MACROD2: variants seen among roughly 807,000 people sequenced by gnomAD.
The protein encoded by MACROD2 is ADP-ribose glycohydrolase MACROD2.
In MACROD2, 36 loss-of-function variants were observed where a neutral mutation model predicts 70.4. The observed-to-expected ratio is 0.51, with a 90% CI of 0.39 to 0.68. The LOEUF (loss-of-function observed/expected upper bound fraction) is 0.68, where lower values mean the gene tolerates loss of function less well. Ranked by LOEUF, MACROD2 falls within the 30% of genes least tolerant of loss-of-function variation. MACROD2 has a pLI of 0.00. For synonymous variants in MACROD2, 172 were observed against 178.8 expected, an observed-to-expected ratio of 0.96 and a Z score of 0.30; for missense variants, 496 against 538.4, an observed-to-expected ratio of 0.92 and a Z score of 0.78.
At chr20:14,758,444 T>A (rs1476530628) in intron 5 of MACROD2, among the ~76,000 whole-genome samples, 1 of 152,186 alleles carries the variant, frequency 6.6e-6, no homozygotes, top group Non-Finnish European at 1.5e-5. Context: ...CCATACTAAG[T>A]AGCTGGATTC....
intron 6 of MACROD2, among the ~76,000 whole-genome samples, chr20:15,263,417 G>C (rs918194026): frequency 1.3e-4 from 20 of 151,916 alleles, no homozygotes; most frequent in African/African-American, 4.6e-4. Flanking sequence ...GTACCACACT[G>C]TTTTGGTTAC....
intron 15 of MACROD2, among the ~76,000 whole-genome samples, chr20:16,029,694 A>G (rs1252024187): frequency 6.6e-6 from 1 of 152,190 alleles, no homozygotes; most frequent in Non-Finnish European, 1.5e-5. Flanking sequence ...TAGGAGAGAA[A>G]AGGCCAAGGA....
rs550749191 is a variant in MACROD2, at chr20:14,335,693, C to T, written c.272-157786C>T. On this transcript the variant is annotated intron_variant, in intron 3 of 17. Transcript: ENST00000684519. ...TAACTGGTAGACAGTTTTACAGAAC[C>T]GCAATATTAATGAATTCATTATGTT... Among the ~76,000 whole-genome samples the T allele has an allele frequency of 1.1e-4, 17 of 152,118 alleles. 1 individual carries two copies. The highest frequency in any genetic ancestry group is 6.5e-4 in the Admixed American group (10 of 15,278).
At chr20:14,874,263 C>T (rs1056308563) in intron 5 of MACROD2, among the ~76,000 whole-genome samples, 1 of 151,446 alleles carries the variant, frequency 6.6e-6, no homozygotes, top group East Asian at 1.9e-4. Context: ...TTGAGGGTCT[C>T]AGGAAGGCAG....
At chr20:15,207,436 G>GTTTT (rs548522491) in intron 5 of MACROD2, among the ~76,000 whole-genome samples, 2,067 of 84,420 alleles carry the variant, frequency 0.024, 259 homozygotes, top group African/African-American at 0.068. Context: ...TTTGTTTCTG[G>GTTTT]TTTTTTTTTT....
chr20:14,862,871 G>A (rs1055586467), intron 5 of MACROD2, among the ~76,000 whole-genome samples: 36 of 149,094 alleles, frequency 2.4e-4, no homozygotes, highest in Non-Finnish European at 4.3e-4. Flanking sequence ...TGTAGTGAGG[G>A]ATTTTGAACA....
In MACROD2 at chr20:14,536,321, G is replaced by A. The variant is rs546659643; in HGVS notation, c.301+42813G>A. 1.2e-3 allele frequency among the ~76,000 whole-genome samples: 186 copies of A among 152,236 alleles called. 1 individual carries two copies. Among genetic ancestry groups the A allele is most frequent in the African/African-American group, 4.1e-3 (171 of 41,544 alleles). On this transcript the variant is annotated intron_variant, in intron 4 of 17. Transcript: ENST00000684519. ...TTTGAACTTTTATGTCTCAAGTGGAGGAGTTTACTGGGTACAGAAAAATGA... is the reference window on the plus strand; with the variant it reads ...TTTGAACTTTTATGTCTCAAGTGGAAGAGTTTACTGGGTACAGAAAAATGA...
chr20:15,927,008 G>A (rs1185432539), intron 10 of MACROD2, among the ~76,000 whole-genome samples: 1 of 152,160 alleles, frequency 6.6e-6, no homozygotes, highest in Non-Finnish European at 1.5e-5. Context: ...GGGGATGGAG[G>A]ATGGCCCCAG....
chr20:15,724,372 T>C (rs2050831362), intron 8 of MACROD2, among the ~76,000 whole-genome samples: 1 of 152,256 alleles, frequency 6.6e-6, no homozygotes, highest in African/African-American at 2.4e-5. Context: ...TGTTTTCTTG[T>C]ATGCTATTCT....
At chr20:14,226,351 G>A (rs1056617707) in intron 3 of MACROD2, among the ~76,000 whole-genome samples, 1 of 152,224 alleles carries the variant, frequency 6.6e-6, no homozygotes, top group Non-Finnish European at 1.5e-5. Flanking sequence ...CATGCTGGCA[G>A]TCCTCACAGC....
chr20:14,617,904 G>A (rs918362964), intron 4 of MACROD2, among the ~76,000 whole-genome samples: 3 of 152,154 alleles, frequency 2.0e-5, no homozygotes, highest in Non-Finnish European at 4.4e-5. Context: ...TATTTGTGCA[G>A]GTGATAATTT....
chr20:15,826,732 G>A (rs1218542745), intron 8 of MACROD2, among the ~76,000 whole-genome samples: 1 of 152,164 alleles, frequency 6.6e-6, no homozygotes, highest in South Asian at 2.1e-4. Context: ...AAATGTGTCT[G>A]TACAATGGAC....
chr20:15,681,340 A>C (rs1174433586), intron 8 of MACROD2, among the ~76,000 whole-genome samples: 1 of 151,784 alleles, frequency 6.6e-6, no homozygotes, highest in African/African-American at 2.4e-5. Flanking sequence ...GACAAAGTAT[A>C]AATTGCTATT....
chr20:14,853,906 A>G (rs752179514), intron 5 of MACROD2, among the ~76,000 whole-genome samples: 1 of 152,184 alleles, frequency 6.6e-6, no homozygotes, highest in Non-Finnish European at 1.5e-5. Context: ...ACCATTAAAC[A>G]TAACTATAGT....
intron 8 of MACROD2, among the ~76,000 whole-genome samples, chr20:15,769,404 C>A (rs2051585068): frequency 6.6e-6 from 1 of 152,222 alleles, no homozygotes. Flanking sequence ...ACCTCAGCCT[C>A]CCAAAGTGCT....
chr20:14,307,387 C>A (rs1003889211), intron 3 of MACROD2, among the ~76,000 whole-genome samples: 1 of 152,036 alleles, frequency 6.6e-6, no homozygotes, highest in Non-Finnish European at 1.5e-5. Context: ...TGATAAAGAA[C>A]TTTTGAAATT....
At chr20:15,667,011 A>G (rs6135479) in intron 8 of MACROD2, among the ~76,000 whole-genome samples, 3 of 152,118 alleles carry the variant, frequency 2.0e-5, no homozygotes, top group African/African-American at 7.2e-5. Flanking sequence ...CTATCTATCT[A>G]TCAATTTACT....
At chr20:15,119,120 C>T (rs1721988948) in intron 5 of MACROD2, among the ~76,000 whole-genome samples, 1 of 152,126 alleles carries the variant, frequency 6.6e-6, no homozygotes, top group Admixed American at 6.5e-5. Flanking sequence ...AATCGGAAGA[C>T]CTGGGAATAT....
intron 5 of MACROD2, among the ~76,000 whole-genome samples, chr20:15,002,115 T>C (rs1451090915): frequency 6.6e-6 from 1 of 152,236 alleles, no homozygotes; most frequent in Non-Finnish European, 1.5e-5. Context: ...CTTCTTGTCC[T>C]CTGGGTAAAT....
Sources: gnomAD v4.1 joint callset for allele counts (sites outside exome capture counted in the v4.1 genomes callset) on GRCh38, gnomAD v4.1.1 for gene constraint, MANE v1.5 for transcripts, NCBI Gene and HGNC (gene_info 2026-07-23, HGNC 2026-07-21) for gene names.